SLC24A2: variants seen among roughly 807,000 people sequenced by gnomAD.
SLC24A2 encodes solute carrier family 24 member 2, also known as sodium/potassium/calcium exchanger 2.
A neutral mutation model predicts 62.0 loss-of-function variants in SLC24A2; 36 were observed. The ratio of observed to expected loss-of-function variants is 0.58; its 90% confidence interval spans 0.44 to 0.77. SLC24A2 has a LOEUF of 0.77. Among genes scored for constraint, SLC24A2 ranks in the 30% least tolerant of loss-of-function variants. The pLI, the probability that SLC24A2 is intolerant of heterozygous loss-of-function variation, is 0.00. For missense variants in SLC24A2, 846 were observed against 817.9 expected (o/e 1.03, Z -0.42); for synonymous variants, 358 against 294.0 (o/e 1.22, Z -2.23).
chr9:19,563,149 T>C (rs746349968), intron 7 of SLC24A2, among the ~76,000 whole-genome samples: 14 of 147,744 alleles, frequency 9.5e-5, no homozygotes, highest in Non-Finnish European at 2.0e-4. Flanking sequence ...TCTTTTGATA[T>C]TCTTATTTCT....
At chr9:20,117,354 C>G in the SLC24A2 span, among the ~76,000 whole-genome samples, 2 of 152,140 alleles carry the variant, frequency 1.3e-5, no homozygotes, top group Non-Finnish European at 2.9e-5. Flanking sequence ...AGGCTACATA[C>G]TAGCCTCTTA....
At chr9:20,024,590 T>C in the SLC24A2 span, among the ~76,000 whole-genome samples, 1 of 151,442 alleles carries the variant, frequency 6.6e-6, no homozygotes, top group East Asian at 2.1e-4. Flanking sequence ...ATGTGATTAG[T>C]TATGTGATTA....
rs1188899124 is a variant in SLC24A2, at chr9:19,513,153, GATATATATAT to G, written c.*2990_*2999del. 17 of 80,590 alleles carry G rather than the reference GATATATATAT, an allele frequency of 2.1e-4. No individual in the cohort carries two copies. Among genetic ancestry groups the G allele is most frequent in the Admixed American group, 7.7e-4 (5 of 6,532 alleles). The allele number at this position is 80,590 out of a possible 1,614,324, so 5.0% of individuals were successfully genotyped here. On this transcript the variant is annotated 3_prime_UTR_variant, in exon 11 of 11. Transcript: ENST00000341998. Reference sequence around the variant, plus strand: ...TGTGTACATATAGATCTGGTATAAAGATATATATATATATATATATATGTATATATATATA... The same window carrying G: ...TGTGTACATATAGATCTGGTATAAAGATATATATATATGTATATATATATA...
the SLC24A2 span, among the ~76,000 whole-genome samples, chr9:19,913,889 A>G: frequency 1.3e-5 from 2 of 151,300 alleles, no homozygotes; most frequent in Admixed American, 1.3e-4. Flanking sequence ...TCTTTTTTTA[A>G]TTTTTGTTTT....
chr9:19,813,878 C>T, the SLC24A2 span, among the ~76,000 whole-genome samples: 56 of 152,038 alleles, frequency 3.7e-4, 1 homozygote, highest in Non-Finnish European at 7.2e-4. Context: ...GAAATGGGCC[C>T]TCATCAGACA....
rs906124977 is a variant in SLC24A2, at chr9:19,509,588, T to C, written c.*6565A>G. On this transcript the variant is annotated 3_prime_UTR_variant, in exon 11 of 11. Transcript: ENST00000341998. Reference sequence around the variant, plus strand: ...AAAACCCAAAAGGCATCCATTGTCCTTCAGTTTTATTCTGATAAGAATTGG... The same window carrying C: ...AAAACCCAAAAGGCATCCATTGTCCCTCAGTTTTATTCTGATAAGAATTGG... The C allele has an allele frequency of 1.3e-5, 2 of 152,216 alleles. No homozygotes were observed. Among genetic ancestry groups the C allele is most frequent in the Non-Finnish European group, 2.9e-5 (2 of 68,034 alleles). 9.4% of individuals were successfully genotyped at this position (152,216 alleles called of 1,614,324 possible).
chr9:19,698,104 G>T (rs1001125355), intron 2 of SLC24A2, among the ~76,000 whole-genome samples: 1 of 152,108 alleles, frequency 6.6e-6, no homozygotes, highest in Non-Finnish European at 1.5e-5. Context: ...CTTCTAAGGT[G>T]GAGATGCTAA....
At chr9:19,558,733 C>A (rs1835235159) in intron 7 of SLC24A2, among the ~76,000 whole-genome samples, 1 of 152,220 alleles carries the variant, frequency 6.6e-6, no homozygotes, top group Admixed American at 6.5e-5. Flanking sequence ...ACAGCATCAT[C>A]TTTAAACAAG....
chr9:19,555,181 T>C lies in SLC24A2; in HGVS notation c.1348-4913A>G, dbSNP rs146984222. On this transcript the variant is annotated intron_variant, in intron 7 of 10. Transcript: ENST00000341998. ...AAGGGCACTCTTAAAAAAAAAATTATCTTATTCAAGCCATTGTTATTTTGG... is the reference window on the plus strand; with the variant it reads ...AAGGGCACTCTTAAAAAAAAAATTACCTTATTCAAGCCATTGTTATTTTGG... Among the ~76,000 whole-genome samples, 314 of 152,126 alleles carry C rather than the reference T, an allele frequency of 2.1e-3. 2 individuals are homozygous for C. Among genetic ancestry groups the C allele is most frequent in the African/African-American group, 7.2e-3 (299 of 41,408 alleles).
chr9:19,537,053 GTTT>G (rs941234744), intron 8 of SLC24A2, among the ~76,000 whole-genome samples: 1 of 149,964 alleles, frequency 6.7e-6, no homozygotes, highest in Non-Finnish European at 1.5e-5. Flanking sequence ...GGGGTTGTTT[GTTT>G]TTTTCTTGTA....
intron 7 of SLC24A2, among the ~76,000 whole-genome samples, chr9:19,562,639 C>G (rs1357543369): frequency 6.6e-6 from 1 of 152,078 alleles, no homozygotes; most frequent in Non-Finnish European, 1.5e-5. Context: ...TATGTATGTA[C>G]AGATGACAGA....
At chr9:20,211,948 C>T in the SLC24A2 span, among the ~76,000 whole-genome samples, 3 of 151,670 alleles carry the variant, frequency 2.0e-5, no homozygotes, top group African/African-American at 4.8e-5. Flanking sequence ...AGATAAAAGC[C>T]AATAAATTAT....
the SLC24A2 span, among the ~76,000 whole-genome samples, chr9:20,213,073 C>T: frequency 3.3e-5 from 5 of 151,636 alleles, no homozygotes; most frequent in Non-Finnish European, 5.9e-5. Flanking sequence ...CTAATGCATA[C>T]TGGGCTTAAT....
At chr9:19,696,244 C>T (rs993466811) in intron 2 of SLC24A2, among the ~76,000 whole-genome samples, 11 of 152,164 alleles carry the variant, frequency 7.2e-5, no homozygotes, top group Non-Finnish European at 1.2e-4. Flanking sequence ...GCCCCAACCT[C>T]GGTCTGTGGA....
At chr9:19,982,604 A>C in the SLC24A2 span, among the ~76,000 whole-genome samples, 8 of 152,240 alleles carry the variant, frequency 5.3e-5, no homozygotes. Flanking sequence ...TCTACCAGAC[A>C]TTTAAGGAAA....
chr9:19,996,458 A>C, the SLC24A2 span, among the ~76,000 whole-genome samples: 7 of 152,146 alleles, frequency 4.6e-5, no homozygotes, highest in Non-Finnish European at 8.8e-5. Context: ...AGATCCATCA[A>C]TGCCAGGTGC....
chr9:20,177,241 A>C, the SLC24A2 span, among the ~76,000 whole-genome samples: 1 of 152,116 alleles, frequency 6.6e-6, no homozygotes, highest in African/African-American at 2.4e-5. Flanking sequence ...TAAACTTTCA[A>C]AAGTAAAAAA....
chr9:19,996,650 G>A, the SLC24A2 span, among the ~76,000 whole-genome samples: 8 of 151,292 alleles, frequency 5.3e-5, no homozygotes, highest in Non-Finnish European at 1.0e-4. Context: ...GTTGAGGGAG[G>A]AGAATCGCTT....
At chr9:19,909,047 G>T in the SLC24A2 span, among the ~76,000 whole-genome samples, 1 of 152,098 alleles carries the variant, frequency 6.6e-6, no homozygotes, top group African/African-American at 2.4e-5. Context: ...GTTTATTGTG[G>T]CACTATTCAC....
Sources: gnomAD v4.1 joint callset for allele counts (sites outside exome capture counted in the v4.1 genomes callset) on GRCh38, gnomAD v4.1.1 for gene constraint, MANE v1.5 for transcripts, NCBI Gene and HGNC (gene_info 2026-07-23, HGNC 2026-07-21) for gene names.